Variants in MMP16 observed in about 807,000 individuals in gnomAD.
The protein encoded by MMP16 is matrix metalloproteinase-16.
In MMP16, 12 loss-of-function variants were observed where a neutral mutation model predicts 67.8. That is an observed-to-expected ratio of 0.18 (90% confidence interval 0.11 to 0.29). The LOEUF (loss-of-function observed/expected upper bound fraction) is 0.29. Ranked by LOEUF, MMP16 falls within the 10% of genes least tolerant of loss-of-function variation. MMP16 has a pLI of 1.00. For synonymous variants in MMP16, 249 were observed against 255.9 expected (o/e 0.97, Z 0.26); for missense variants, 475 against 765.7 (o/e 0.62, Z 4.48).
chr8:88,274,583 C>T (rs1341368613), intron 1 of MMP16, among the ~76,000 whole-genome samples: 1 of 151,916 alleles, frequency 6.6e-6, no homozygotes, highest in Non-Finnish European at 1.5e-5. Flanking sequence ...GGAACACCTG[C>T]TTGAATAAAA....
intron 3 of MMP16, among the ~76,000 whole-genome samples, chr8:88,175,085 G>T (rs1808865792): frequency 6.6e-6 from 1 of 152,022 alleles, no homozygotes; most frequent in Non-Finnish European, 1.5e-5. Context: ...GACATTAATT[G>T]TCCAGGAAGC....
intron 1 of MMP16, among the ~76,000 whole-genome samples, chr8:88,302,684 G>C (rs1027458948): frequency 6.6e-6 from 1 of 152,158 alleles, no homozygotes; most frequent in African/African-American, 2.4e-5. Context: ...CAGTTAAAGT[G>C]AGTAAAAGGA....
chr8:88,132,551 T>G (rs1193741451), intron 4 of MMP16, among the ~76,000 whole-genome samples: 1 of 151,892 alleles, frequency 6.6e-6, no homozygotes, highest in East Asian at 1.9e-4. Flanking sequence ...GACAGAGATG[T>G]GGTCCTCACC....
At chr8:88,239,125 C>G (rs1009066630) in intron 1 of MMP16, among the ~76,000 whole-genome samples, 2 of 151,800 alleles carry the variant, frequency 1.3e-5, no homozygotes, top group East Asian at 3.9e-4. Context: ...TTTCCTTTCC[C>G]TGTGTTCCCC....
chr8:88,045,295 T>A (rs1350615574), intron 9 of MMP16, among the ~76,000 whole-genome samples: 3 of 152,162 alleles, frequency 2.0e-5, no homozygotes, highest in Admixed American at 6.6e-5. Flanking sequence ...TAATTTATCC[T>A]GATTCTAAGT....
At chr8:88,272,855 A>G (rs147253008) in intron 1 of MMP16, among the ~76,000 whole-genome samples, 146 of 152,266 alleles carry the variant, frequency 9.6e-4, no homozygotes, top group African/African-American at 3.1e-3. Context: ...ACTGAATAGA[A>G]GCTTGGAATA....
intron 1 of MMP16, among the ~76,000 whole-genome samples, chr8:88,322,132 A>C (rs1380319908): frequency 2.0e-5 from 3 of 152,154 alleles, no homozygotes; most frequent in Non-Finnish European, 4.4e-5. Flanking sequence ...CATATTATGA[A>C]AAGGAAGCAC....
In MMP16 at chr8:88,110,055, A is replaced by G. The variant is rs924954867; in HGVS notation, c.1083+6452T>C. Among the ~76,000 whole-genome samples the G allele has an allele frequency of 3.3e-5, 5 of 151,362 alleles. No individual in the cohort carries two copies. In the Admixed American group the frequency reaches 3.3e-4, roughly 10 times the overall value. On this transcript the variant is annotated intron_variant, in intron 6 of 9. Transcript: ENST00000286614. Reference sequence around the variant, plus strand: ...GGAATTTTACCAAAATAAAATGTACATAATAAAATATATCCAAAATTCCAA... The same window carrying G: ...GGAATTTTACCAAAATAAAATGTACGTAATAAAATATATCCAAAATTCCAA...
chr8:88,265,086 T>C (rs1810453585), intron 1 of MMP16, among the ~76,000 whole-genome samples: 1 of 152,152 alleles, frequency 6.6e-6, no homozygotes, highest in Non-Finnish European at 1.5e-5. Context: ...TAAAAACCCT[T>C]TGCTGTAAGC....
chr8:88,115,225 C>T (rs1586158912), intron 6 of MMP16, among the ~76,000 whole-genome samples: 1 of 150,886 alleles, frequency 6.6e-6, no homozygotes, highest in Non-Finnish European at 1.5e-5. Context: ...TTAGAATAAA[C>T]AAAAGATTGC....
chr8:88,207,463 C>G (rs191948704), intron 1 of MMP16, among the ~76,000 whole-genome samples: 1 of 152,086 alleles, frequency 6.6e-6, no homozygotes, highest in African/African-American at 2.4e-5. Context: ...GCAGTTCTCA[C>G]GTATTTTTAT....
intron 1 of MMP16, among the ~76,000 whole-genome samples, chr8:88,264,244 G>A (rs1359635598): frequency 6.6e-6 from 1 of 152,096 alleles, no homozygotes. Context: ...TGTTCTCCCA[G>A]ACTGAAGTAC....
At chr8:88,232,466 A>G (rs991921454) in intron 1 of MMP16, among the ~76,000 whole-genome samples, 5 of 152,186 alleles carry the variant, frequency 3.3e-5, no homozygotes, top group Admixed American at 6.6e-5. Context: ...TCATTACTAT[A>G]TATAAGATCA....
At chr8:88,045,748 T>C (rs540728876) in intron 9 of MMP16, among the ~76,000 whole-genome samples, 6 of 152,272 alleles carry the variant, frequency 3.9e-5, no homozygotes, top group African/African-American at 1.4e-4. Context: ...TCATTAACCT[T>C]GCTTTCTCTT....
At chr8:88,061,102 G>A (rs1480428478) in intron 7 of MMP16, among the ~76,000 whole-genome samples, 3 of 148,982 alleles carry the variant, frequency 2.0e-5, no homozygotes, top group East Asian at 2.0e-4. Context: ...AACTTACCCC[G>A]AGCCCTTGTA....
chr8:88,123,944 CT>C (rs1393738648), intron 4 of MMP16, among the ~76,000 whole-genome samples: 7 of 151,892 alleles, frequency 4.6e-5, no homozygotes, highest in Non-Finnish European at 7.4e-5. Context: ...GGCTGCTCCC[CT>C]AGTGCCTCAA....
chr8:88,164,348 C>T (rs1032243435), intron 4 of MMP16, among the ~76,000 whole-genome samples: 2 of 151,796 alleles, frequency 1.3e-5, no homozygotes, highest in Admixed American at 6.6e-5. Flanking sequence ...CAGATTTGTG[C>T]CATGCATATT....
chr8:88,206,498 G>A (rs901941569), intron 1 of MMP16, among the ~76,000 whole-genome samples: 5 of 152,162 alleles, frequency 3.3e-5, no homozygotes, highest in African/African-American at 1.2e-4. Flanking sequence ...GTCAGAGTGA[G>A]GGAGGGTGTG....
At chr8:88,273,563 A>T (rs958762523) in intron 1 of MMP16, among the ~76,000 whole-genome samples, 4 of 152,284 alleles carry the variant, frequency 2.6e-5, no homozygotes, top group African/African-American at 9.6e-5. Context: ...GTAAATTTTT[A>T]AAAATGGTCA....
Sources: gnomAD v4.1 joint callset for allele counts (sites outside exome capture counted in the v4.1 genomes callset) on GRCh38, gnomAD v4.1.1 for gene constraint, MANE v1.5 for transcripts, NCBI Gene and HGNC (gene_info 2026-07-23, HGNC 2026-07-21) for gene names.